Variants in PRICKLE2 observed in about 807,000 individuals in gnomAD.
The protein encoded by PRICKLE2 is prickle planar cell polarity protein 2.
PRICKLE2 carries 21 observed loss-of-function variants against 81.4 expected under a neutral mutation model. That is an observed-to-expected ratio of 0.26 (90% CI 0.18 to 0.37). PRICKLE2 has a LOEUF of 0.37. Among genes scored for constraint, PRICKLE2 ranks in the 10% least tolerant of loss-of-function variants. PRICKLE2 has a pLI of 1.00. For synonymous variants in PRICKLE2, 456 were observed against 421.5 expected (o/e 1.08, Z -1.00); for missense variants, 940 against 1,109.0 (o/e 0.85, Z 2.16).
At chr3:64,166,318 C>A (rs182052168) in intron 2 of PRICKLE2, among the ~76,000 whole-genome samples, 7 of 152,302 alleles carry the variant, frequency 4.6e-5, no homozygotes, top group African/African-American at 1.7e-4. Flanking sequence ...GCAGCGTCCA[C>A]ACCCAGAAAT....
chr3:64,191,600 T>C (rs975090960), intron 2 of PRICKLE2, among the ~76,000 whole-genome samples: 1 of 152,222 alleles, frequency 6.6e-6, no homozygotes, highest in Non-Finnish European at 1.5e-5. Flanking sequence ...TAATGTTGGT[T>C]GAGTATTAAA....
intron 1 of PRICKLE2, among the ~76,000 whole-genome samples, chr3:64,204,390 A>G (rs991142034): frequency 1.3e-5 from 2 of 152,224 alleles, no homozygotes; most frequent in Non-Finnish European, 1.5e-5. Context: ...AAAGGCCCAG[A>G]GTGGTTAAGT....
At chr3:64,266,981 C>T (rs1415184097) in intron 2 of PRICKLE2, among the ~76,000 whole-genome samples, 2 of 150,436 alleles carry the variant, frequency 1.3e-5, no homozygotes, top group Non-Finnish European at 2.9e-5. Flanking sequence ...GCATTCGATT[C>T]TCAACCTCTT....
intron 6 of PRICKLE2, among the ~76,000 whole-genome samples, chr3:64,149,404 C>T (rs910967876): frequency 1.3e-5 from 2 of 152,238 alleles, no homozygotes; most frequent in African/African-American, 4.8e-5. Flanking sequence ...TTTGCTAAGG[C>T]AGTCACACAG....
chr3:64,198,211 AAAAT>A (rs71099792), intron 2 of PRICKLE2, among the ~76,000 whole-genome samples: 31,184 of 144,908 alleles, frequency 0.22, 4,043 homozygotes, highest in Non-Finnish European at 0.29. Flanking sequence ...GACTCTATCT[AAAAT>A]AAATAAATAA....
rs1182227288 is a variant in PRICKLE2 at position 64,098,800 on chromosome 3, G to T, written c.*251C>A. ...AACTCAACACAGAACTGATGGGAAGGAAGTGACCAAGCCTGGCCTCGATAG... is the reference window on the plus strand; with the variant it reads ...AACTCAACACAGAACTGATGGGAAGTAAGTGACCAAGCCTGGCCTCGATAG... On this transcript the variant is annotated 3_prime_UTR_variant, in exon 8 of 8. Transcript: ENST00000638394. 1 of 524,838 alleles carries T rather than the reference G, an allele frequency of 1.9e-6. No homozygotes were observed. The highest frequency in any genetic ancestry group is 1.9e-5 in the African/African-American group (1 of 52,338). 32.5% of individuals were successfully genotyped at this position (524,838 alleles called of 1,614,324 possible).
chr3:64,120,899 G>A (rs537288533), intron 7 of PRICKLE2, among the ~76,000 whole-genome samples: 37 of 152,282 alleles, frequency 2.4e-4, no homozygotes, highest in African/African-American at 7.9e-4. Context: ...AAGTGAAGCT[G>A]CCACGAACCC....
At chr3:64,193,748 G>T (rs999791787) in intron 2 of PRICKLE2, among the ~76,000 whole-genome samples, 3 of 152,120 alleles carry the variant, frequency 2.0e-5, no homozygotes, top group Admixed American at 2.0e-4. Context: ...CCTCGTGATA[G>T]TAAGTCTCAC....
chr3:64,113,158 A>C (rs1019894192), intron 7 of PRICKLE2, among the ~76,000 whole-genome samples: 5 of 152,160 alleles, frequency 3.3e-5, no homozygotes, highest in Non-Finnish European at 7.4e-5. Context: ...AGGGCTGCTT[A>C]GGGAAGTGTT....
In PRICKLE2 at chr3:64,099,728, T is replaced by A. The variant is rs757993759; in HGVS notation, c.1858A>T (p.Asn620Tyr). The stretch of plus-strand genomic sequence containing the variant: ...ATGGGGTTGCTGAGCTGGTGGAGGT[T>A]TCCCTCCATCTCCTGGTACTGCTGG... ...SAQQYQEMEG[N>Y]LHQLSNPIGY... The change falls in exon 8 of 8, where the codon AAC becomes TAC. Residue 620 changes from asparagine to tyrosine, a missense_variant. Transcript: ENST00000638394. This position sits in a 1 kb window ranked among gnomAD's most constrained non-coding sequence, Gnocchi z 4.3. 7.4e-6 allele frequency: 12 copies of A among 1,613,988 alleles called. No homozygotes were observed. Among genetic ancestry groups the A allele is most frequent in the Non-Finnish European group, 7.6e-6 (9 of 1,179,956 alleles).
chr3:64,168,770 C>T (rs2077879614), intron 2 of PRICKLE2, among the ~76,000 whole-genome samples: 1 of 152,180 alleles, frequency 6.6e-6, no homozygotes, highest in Non-Finnish European at 1.5e-5. Context: ...CCAAATCATA[C>T]CCAGATACAG....
At chr3:64,186,976 A>G (rs1396644929) in intron 2 of PRICKLE2, among the ~76,000 whole-genome samples, 1 of 152,190 alleles carries the variant, frequency 6.6e-6, no homozygotes, top group Admixed American at 6.5e-5. Context: ...AAACTTTAGG[A>G]CCCCAGAGTG....
intron 2 of PRICKLE2, among the ~76,000 whole-genome samples, chr3:64,250,778 C>T (rs572197805): frequency 6.6e-6 from 1 of 152,230 alleles, no homozygotes; most frequent in South Asian, 2.1e-4. Context: ...GAGTGAAACC[C>T]CAAGTCCTTT....
intron 2 of PRICKLE2, among the ~76,000 whole-genome samples, chr3:64,192,539 T>C (rs528684348): frequency 3.9e-5 from 6 of 152,310 alleles, no homozygotes; most frequent in Non-Finnish European, 7.3e-5. Flanking sequence ...GGATGAGTAA[T>C]AGTCACTAAA....
chr3:64,153,129 C>G, intron 6 of PRICKLE2, 53 bp downstream of exon 6: 2 of 1,534,262 alleles, frequency 1.3e-6, no homozygotes, highest in African/African-American at 1.4e-5. Flanking sequence ...ACACCCAAAA[C>G]AAAGGTGACC....
chr3:64,228,031 T>C (rs1284051376), upstream of PRICKLE2, among the ~76,000 whole-genome samples: 1 of 152,116 alleles, frequency 6.6e-6, no homozygotes, highest in Non-Finnish European at 1.5e-5. Context: ...ATCTAGGAAA[T>C]AAAGGAGTAA....
At chr3:64,149,969 C>CTTT (rs34841544) in intron 6 of PRICKLE2, among the ~76,000 whole-genome samples, 21,895 of 109,442 alleles carry the variant, frequency 0.2, 3,012 homozygotes, top group African/African-American at 0.35. Flanking sequence ...TCAACTCCAT[C>CTTT]TTTTTTTTTT....
chr3:64,263,575 G>A (rs1283784089), intron 2 of PRICKLE2, among the ~76,000 whole-genome samples: 1 of 152,144 alleles, frequency 6.6e-6, no homozygotes, highest in African/African-American at 2.4e-5. Context: ...ATGCAGGAAG[G>A]GCTGCAAGTG....
intron 6 of PRICKLE2, among the ~76,000 whole-genome samples, chr3:64,150,851 G>T (rs1035032100): frequency 6.6e-6 from 1 of 152,206 alleles, no homozygotes; most frequent in African/African-American, 2.4e-5. Flanking sequence ...ATCATAAAGC[G>T]GCCTGGCAGG....
Sources: gnomAD v4.1 joint callset for allele counts (sites outside exome capture counted in the v4.1 genomes callset) on GRCh38, gnomAD v4.1.1 for gene constraint, Gnocchi (gnomAD v3.1) non-coding constraint, MANE v1.5 for transcripts, NCBI Gene and HGNC (gene_info 2026-07-23, HGNC 2026-07-21) for gene names.